SH3RF3: variants seen among roughly 807,000 people sequenced by gnomAD.
SH3RF3 encodes E3 ubiquitin-protein ligase SH3RF3.
In SH3RF3, 29 loss-of-function variants were observed where a neutral mutation model predicts 66.3. That is an observed-to-expected ratio of 0.44 (90% CI 0.33 to 0.60). The LOEUF is 0.60. Ranked by LOEUF, SH3RF3 falls within the 20% of genes least tolerant of loss-of-function variation. SH3RF3 has a pLI of 0.04. For missense variants in SH3RF3, 1,194 were observed against 1,190.9 expected (o/e 1.00, Z -0.04); for synonymous variants, 583 against 532.0 (o/e 1.10, Z -1.32).
At chr2:109,303,930 C>T (rs1024885682) in intron 1 of SH3RF3, among the ~76,000 whole-genome samples, 6 of 151,794 alleles carry the variant, frequency 4.0e-5, no homozygotes, top group South Asian at 2.1e-4. Flanking sequence ...GATATAACCC[C>T]GTCTCTACTG....
chr2:109,153,300 A>G (rs1378127312), intron 1 of SH3RF3, among the ~76,000 whole-genome samples: 2 of 152,202 alleles, frequency 1.3e-5, no homozygotes, highest in South Asian at 2.1e-4. Context: ...CTGGAAACCC[A>G]TTTCTGAGAA....
chr2:109,294,402 A>G (rs1413272748), intron 1 of SH3RF3, among the ~76,000 whole-genome samples: 1 of 151,836 alleles, frequency 6.6e-6, no homozygotes, highest in Admixed American at 6.6e-5. Flanking sequence ...CTCTACTAAA[A>G]ATACAAAAAT....
At chr2:109,381,128 G>A (rs781276283) in intron 3 of SH3RF3, among the ~76,000 whole-genome samples, 1 of 152,234 alleles carries the variant, frequency 6.6e-6, no homozygotes, top group African/African-American at 2.4e-5. Flanking sequence ...TGGATGCGAC[G>A]ATGGAAGGCT....
intron 1 of SH3RF3, among the ~76,000 whole-genome samples, chr2:109,279,344 A>G (rs1030792213): frequency 1.3e-5 from 2 of 152,210 alleles, no homozygotes; most frequent in African/African-American, 4.8e-5. Context: ...GTTCAAGCAC[A>G]CTGACAATTA....
intron 5 of SH3RF3, among the ~76,000 whole-genome samples, chr2:109,423,212 C>T (rs1676929645): frequency 6.6e-6 from 1 of 152,088 alleles, no homozygotes; most frequent in Admixed American, 6.6e-5. Context: ...TGGCCTGCAA[C>T]AGGGAAAGGG....
Position 109,259,459 on chromosome 2 carries a change from A to G in SH3RF3, c.574-88215A>G, listed in dbSNP as rs373059467. On this transcript the variant is annotated intron_variant, in intron 1 of 9. Coordinates refer to ENST00000309415, the MANE Select transcript of SH3RF3 (RefSeq NM_001099289.3). ...GTTGTGTGACGGTGGTGCATTGGCTATTGTGGGCCTGTTGGTGGACTAGAG... is the reference window on the plus strand; with the variant it reads ...GTTGTGTGACGGTGGTGCATTGGCTGTTGTGGGCCTGTTGGTGGACTAGAG... Among the ~76,000 whole-genome samples the G allele has an allele frequency of 9.6e-4, 146 of 152,276 alleles. 1 individual carries two copies. The highest frequency in any genetic ancestry group is 3.3e-3 in the African/African-American group (138 of 41,566).
chr2:109,307,871 C>A (rs972272969), intron 1 of SH3RF3, among the ~76,000 whole-genome samples: 16 of 128,342 alleles, frequency 1.2e-4, no homozygotes, highest in Non-Finnish European at 2.5e-4. Context: ...GTGAATAATG[C>A]CGCAGTAAAC....
chr2:109,164,757 A>G (rs767460818), intron 1 of SH3RF3, among the ~76,000 whole-genome samples: 2 of 152,306 alleles, frequency 1.3e-5, no homozygotes, highest in Non-Finnish European at 2.9e-5. Context: ...AACCTCTGCA[A>G]TTTAATAGTC....
chr2:109,218,853 A>T (rs1378270000), intron 1 of SH3RF3, among the ~76,000 whole-genome samples: 1 of 152,374 alleles, frequency 6.6e-6, no homozygotes, highest in Non-Finnish European at 1.5e-5. Flanking sequence ...ACACAAACAC[A>T]CAAACCCACA....
Position 109,371,621 on chromosome 2 carries a change from G to C in SH3RF3, c.885G>C (p.Glu295Asp), listed in dbSNP as rs760021573. The change falls in exon 3 of 10, where the codon GAG becomes GAC. Residue 295 changes from glutamate (E) to aspartate (D), a missense_variant. By Grantham distance (45) the Glu-to-Asp change is conservative. Transcript: ENST00000309415. ...TGACGGTGCTCAGGAGAGTGGATGA[G>C]AACTGGGCGGAAGGCATGCTGGGAG... is the stretch of plus-strand genomic sequence containing the variant. ...EILTVLRRVD[E>D]NWAEGMLGDK... 2 of 1,614,076 alleles carry C rather than the reference G, an allele frequency of 1.2e-6. No individual in the cohort carries two copies. Among genetic ancestry groups the C allele is most frequent in the East Asian group, 4.5e-5 (2 of 44,884 alleles).
rs1226206383 is a variant in SH3RF3, at chr2:109,487,106, ATCCACAT to A, written c.2149-3498_2149-3492del. 9.9e-5 allele frequency among the ~76,000 whole-genome samples: 15 copies of A among 152,282 alleles called. No individual in the cohort carries two copies. In the East Asian group the frequency reaches 2.3e-3, roughly 24 times the overall value. ...CAGGAAAACGTAACAGGGATGCCAA[ATCCACAT>A]CCCACTGGGCTCCTGAACATTGCTT... On this transcript the variant is annotated intron_variant, in intron 8 of 9. Coordinates refer to ENST00000309415, the MANE Select transcript of SH3RF3 (RefSeq NM_001099289.3).
intron 3 of SH3RF3, among the ~76,000 whole-genome samples, chr2:109,396,273 TA>T (rs1333385748): frequency 1.3e-5 from 2 of 152,124 alleles, no homozygotes; most frequent in Non-Finnish European, 2.9e-5. Context: ...AATACAGCCA[TA>T]AAATAGAGCA....
chr2:109,249,945 A>G (rs1249112805), intron 1 of SH3RF3, among the ~76,000 whole-genome samples: 1 of 151,942 alleles, frequency 6.6e-6, no homozygotes, highest in Non-Finnish European at 1.5e-5. Flanking sequence ...TGGCCTCCCA[A>G]AGTGCTGGGA....
intron 1 of SH3RF3, among the ~76,000 whole-genome samples, chr2:109,173,595 C>G (rs537963755): frequency 6.6e-6 from 1 of 152,170 alleles, no homozygotes; most frequent in Non-Finnish European, 1.5e-5. Flanking sequence ...ACACAGACCC[C>G]GCAGCCTGCA....
At chr2:109,138,637 A>G (rs1107234) in intron 1 of SH3RF3, among the ~76,000 whole-genome samples, 19,585 of 152,142 alleles carry the variant, frequency 0.13, 1,912 homozygotes, top group African/African-American at 0.27. Flanking sequence ...ATCTGCAGTG[A>G]GGAAGTGGGT....
intron 1 of SH3RF3, among the ~76,000 whole-genome samples, chr2:109,322,615 C>T (rs760450089): frequency 6.6e-6 from 1 of 152,154 alleles, no homozygotes; most frequent in Non-Finnish European, 1.5e-5. Context: ...CTGCAGTAGT[C>T]GCCAGTCAAA....
At chr2:109,254,776 C>T (rs1680179839) in intron 1 of SH3RF3, among the ~76,000 whole-genome samples, 1 of 152,082 alleles carries the variant, frequency 6.6e-6, no homozygotes, top group Non-Finnish European at 1.5e-5. Flanking sequence ...GACAGTGCCC[C>T]ATGAGCGCTC....
intron 5 of SH3RF3, among the ~76,000 whole-genome samples, chr2:109,425,257 A>G (rs188789935): frequency 6.6e-4 from 100 of 152,376 alleles, no homozygotes; most frequent in African/African-American, 2.4e-3. Context: ...TTAAAGAAAG[A>G]AGCCATCTCT....
intron 1 of SH3RF3, among the ~76,000 whole-genome samples, chr2:109,237,181 T>C (rs1288479358): frequency 2.0e-5 from 3 of 152,164 alleles, no homozygotes; most frequent in Non-Finnish European, 2.9e-5. Flanking sequence ...ATATGAACAC[T>C]CTGTTAAAAG....
Sources: allele counts gnomAD v4.1 joint callset (sites outside exome capture counted in the v4.1 genomes callset), GRCh38; gene constraint gnomAD v4.1.1; transcripts MANE v1.5; gene names NCBI Gene and HGNC (gene_info 2026-07-23, HGNC 2026-07-21).